The following RAI1 variants were observed in gnomAD, a reference collection of about 807,000 sequenced individuals.
RAI1 encodes the protein retinoic acid induced 1, also known as retinoic acid-induced protein 1.
Under a neutral mutation model 123.8 loss-of-function variants are expected in RAI1, and 9 were observed. The ratio of observed to expected loss-of-function variants is 0.07; its 90% CI spans 0.04 to 0.13. The LOEUF (loss-of-function observed/expected upper bound fraction) is 0.13. Ranked by LOEUF, RAI1 falls within the 10% of genes least tolerant of loss-of-function variation. The probability of loss-of-function intolerance (pLI) is 1.00; values close to 1 mark genes in which losing one functional copy is unlikely to be tolerated. For synonymous variants in RAI1, 1,231 were observed against 1,127.3 expected (o/e 1.09, Z -1.84); for missense variants, 2,256 against 2,545.8 (o/e 0.89, Z 2.45).
At chr17:17,716,482 G>T (rs1426098077) in intron 1 of RAI1, among the ~76,000 whole-genome samples, 2 of 152,232 alleles carry the variant, frequency 1.3e-5, no homozygotes, top group African/African-American at 4.8e-5. Context: ...AGATGTATAT[G>T]CCCATGTTTC....
At chr17:17,729,409 T>C (rs1318020119) in intron 2 of RAI1, among the ~76,000 whole-genome samples, 1 of 152,214 alleles carries the variant, frequency 6.6e-6, no homozygotes, top group Non-Finnish European at 1.5e-5. Flanking sequence ...ACCTGCCTGC[T>C]GCCATACCTC....
At chr17:17,757,691 C>T (rs1004316042) in intron 2 of RAI1, among the ~76,000 whole-genome samples, 4 of 152,220 alleles carry the variant, frequency 2.6e-5, no homozygotes, top group Admixed American at 1.3e-4. Flanking sequence ...GCCTCTGTAG[C>T]GCCTGTAATC....
chr17:17,800,730 C>T lies in RAI1; in HGVS notation c.5565+2217C>T, dbSNP rs896443917. 4.6e-5 allele frequency among the ~76,000 whole-genome samples: 7 copies of T among 152,248 alleles called. No individual in the cohort carries two copies. The highest frequency in any genetic ancestry group is 1.7e-4 in the African/African-American group (7 of 41,468). ...GCCCCGGGAAGGTCGGAACCAGGAACACCCTGCCAGACAGATGGGACATCC... is the reference window on the plus strand; with the variant it reads ...GCCCCGGGAAGGTCGGAACCAGGAATACCCTGCCAGACAGATGGGACATCC... On this transcript the variant is annotated intron_variant, in intron 3 of 5. Coordinates refer to ENST00000353383, the MANE Select transcript of RAI1 (RefSeq NM_030665.4). This position sits in a 1 kb window ranked among gnomAD's most constrained non-coding sequence, Gnocchi z 4.7.
In RAI1 at chr17:17,794,484, G is replaced by A. The variant is rs1370279245; in HGVS notation, c.1536G>A (p.Pro512=). Residue 512 remains proline, a synonymous_variant, in exon 3 of 6, where the codon CCG becomes CCA. Coordinates refer to ENST00000353383, the MANE Select transcript of RAI1 (RefSeq NM_030665.4). ...CGCCACAGTCCACGCATGCGGAGCC[G>A]CAGGAGGCCGACTACCTGAGCGGCT... ...SSTPQSTHAE[P]QEADYLSGSE... is the part of the protein sequence containing the mutation. The A allele has an allele frequency of 2.7e-5, 44 of 1,611,830 alleles. No individual in the cohort carries two copies. Among genetic ancestry groups the A allele is most frequent in the South Asian group, 3.3e-5 (3 of 91,040 alleles).
At chr17:17,698,646 C>T (rs960899407) in intron 1 of RAI1, among the ~76,000 whole-genome samples, 3 of 152,250 alleles carry the variant, frequency 2.0e-5, no homozygotes, top group African/African-American at 4.8e-5. Context: ...TGCCTGCACC[C>T]CCAGGCCAGC....
chr17:17,792,878 C>T (rs1257623649), intron 2 of RAI1, 55 bp from the exon 3 acceptor site: 1 of 643,496 alleles, frequency 1.6e-6, no homozygotes, highest in Admixed American at 2.3e-5. Context: ...CCCCTCCCTG[C>T]CCATCCTCCC....
chr17:17,684,704 A>ATGTATG lies in RAI1; in HGVS notation c.-149+2912_-149+2913insGTATGT, dbSNP rs58195520. The ATGTATG allele has an allele frequency of 9.5e-4, 114 of 119,500 alleles. 1 individual carries two copies. The highest frequency in any genetic ancestry group is 3.4e-3 in the East Asian group (12 of 3,568). 7.4% of individuals were successfully genotyped at this position (119,500 alleles called of 1,614,324 possible). On this transcript the variant is annotated intron_variant, in intron 1 of 5. Transcript: ENST00000353383. Reference sequence around the variant, plus strand: ...TATATATATATATATATATATATATATATGTATGTATGTATGTATATTACA... The same window carrying ATGTATG: ...TATATATATATATATATATATATATATGTATGTATGTATGTATGTATGTATATTACA...
In RAI1 at chr17:17,798,119, G is replaced by A. The variant is rs762655338; in HGVS notation, c.5171G>A (p.Arg1724Gln). ...KKKPKLKEKV[R>Q]PEGTCEEASL... ...AAGCCAAAACTCAAGGAGAAGGTGC[G>A]GCCAGAAGGCACCTGTGAGGAGGCC... Residue 1724 changes from arginine (R) to glutamine (Q), a missense_variant, in exon 3 of 6, where the codon CGG becomes CAG. This residue lies in a region of RAI1 where 243 missense variants were observed against 316.6 expected (regional missense o/e 0.77). Coordinates refer to ENST00000353383, the MANE Select transcript of RAI1 (RefSeq NM_030665.4). The A allele has an allele frequency of 2.0e-5, 33 of 1,613,710 alleles. No homozygotes were observed. Among genetic ancestry groups the A allele is most frequent in the Non-Finnish European group, 2.6e-5 (31 of 1,180,050 alleles).
chr17:17,748,649 G>A (rs1476649750), intron 2 of RAI1, among the ~76,000 whole-genome samples: 2 of 152,222 alleles, frequency 1.3e-5, no homozygotes, highest in African/African-American at 4.8e-5. Context: ...AATGATGATA[G>A]AAAAGGTGTA....
chr17:17,746,054 G>A (rs2029900084), intron 2 of RAI1, among the ~76,000 whole-genome samples: 4 of 151,774 alleles, frequency 2.6e-5, no homozygotes, highest in Admixed American at 2.6e-4. Context: ...CTGCCTACCA[G>A]GCCACCATTG....
At chr17:17,748,669 G>A (rs2030024184) in intron 2 of RAI1, among the ~76,000 whole-genome samples, 1 of 152,180 alleles carries the variant, frequency 6.6e-6, no homozygotes. Flanking sequence ...AGGAGGATGG[G>A]AGCCGAGGCT....
At chr17:17,783,407 A>G (rs1335889799) in intron 2 of RAI1, among the ~76,000 whole-genome samples, 1 of 151,846 alleles carries the variant, frequency 6.6e-6, no homozygotes, top group Non-Finnish European at 1.5e-5. Flanking sequence ...GCCGGGAAAC[A>G]AGGCGGGGGC....
chr17:17,743,906 C>G (rs530624168), intron 2 of RAI1, among the ~76,000 whole-genome samples: 1 of 152,304 alleles, frequency 6.6e-6, no homozygotes, highest in Non-Finnish European at 1.5e-5. Context: ...CTGGCTGGGC[C>G]GTAGGAGAGC....
intron 2 of RAI1, among the ~76,000 whole-genome samples, chr17:17,725,416 A>T (rs1352158136): frequency 6.6e-6 from 1 of 151,932 alleles, no homozygotes; most frequent in Non-Finnish European, 1.5e-5. Flanking sequence ...CCGGGAGGAG[A>T]GGAGGATGAA....
rs146686042 is a variant in RAI1, at chr17:17,783,615, A to G, written c.-16-9318A>G. ...CCCTCTGCCCCAGCCGGGCTGCAGG[A>G]CTCCAGGCGCCGCGTTAACCCTGCT... On this transcript the variant is annotated intron_variant, in intron 2 of 5. Coordinates refer to ENST00000353383, the MANE Select transcript of RAI1 (RefSeq NM_030665.4). 1.7e-3 allele frequency among the ~76,000 whole-genome samples: 251 copies of G among 151,850 alleles called. 1 individual carries two copies. Among genetic ancestry groups the G allele is most frequent in the Non-Finnish European group, 2.3e-3 (155 of 67,872 alleles).
intron 1 of RAI1, among the ~76,000 whole-genome samples, chr17:17,715,850 C>T (rs552792653): frequency 6.6e-6 from 1 of 152,296 alleles, no homozygotes; most frequent in African/African-American, 2.4e-5. Context: ...CCAAGTTGCC[C>T]CTGGGAATCG....
intron 2 of RAI1, chr17:17,779,154 A>C (rs1436858736): frequency 1.5e-5 from 5 of 340,120 alleles, no homozygotes; most frequent in African/African-American, 6.5e-5. Context: ...CCGACAACCA[A>C]AGGCAAATAT....
At chr17:17,758,547 T>C (rs180880843) in intron 2 of RAI1, among the ~76,000 whole-genome samples, 2 of 152,280 alleles carry the variant, frequency 1.3e-5, no homozygotes, top group Non-Finnish European at 2.9e-5. Flanking sequence ...GTGCAGATGT[T>C]GTTTACCGAC....
intron 1 of RAI1, among the ~76,000 whole-genome samples, chr17:17,717,886 G>C (rs956925555): frequency 7.9e-5 from 12 of 152,200 alleles, no homozygotes; most frequent in Non-Finnish European, 1.3e-4. Context: ...AGGGGTCAAG[G>C]GGGGCTTAGA....
Sources: allele counts gnomAD v4.1 joint callset (sites outside exome capture counted in the v4.1 genomes callset), GRCh38; gene constraint gnomAD v4.1.1; regional missense constraint gnomAD v4.1.1; non-coding constraint Gnocchi (gnomAD v3.1); transcripts MANE v1.5; gene names NCBI Gene and HGNC (gene_info 2026-07-23, HGNC 2026-07-21).